The following CPEB3 variants were observed in gnomAD, a reference collection of about 807,000 sequenced individuals.
CPEB3 encodes cytoplasmic polyadenylation element-binding protein 3.
CPEB3 carries 20 observed loss-of-function variants against 67.2 expected under a neutral mutation model. That is an observed-to-expected ratio of 0.30 (90% CI 0.21 to 0.43). The LOEUF (loss-of-function observed/expected upper bound fraction) is 0.43, where lower values mean the gene tolerates loss of function less well. CPEB3 is among the 20% of genes least tolerant of loss of function. The pLI is 1.00. For synonymous variants in CPEB3, 376 were observed against 393.1 expected, an observed-to-expected ratio of 0.96 and a Z score of 0.51; for missense variants, 746 against 968.6, an observed-to-expected ratio of 0.77 and a Z score of 3.05.
intron 6 of CPEB3, among the ~76,000 whole-genome samples, chr10:92,115,841 T>G (rs12766331): frequency 6.6e-6 from 1 of 152,040 alleles, no homozygotes; most frequent in African/African-American, 2.4e-5. Flanking sequence ...AAAAAAAAAT[T>G]TAGTATGCGA....
chr10:92,216,422 C>G, intron 2 of CPEB3: 1 of 1,612,580 alleles, frequency 6.2e-7, no homozygotes, highest in East Asian at 2.2e-5. Flanking sequence ...GCTGGTCAAC[C>G]AGAACCCCAT....
At position 92,177,014 on chromosome 10, in the gene CPEB3, T is replaced by C. The variant is rs368067375; in HGVS notation, c.1222+3949A>G. On this transcript the variant is annotated intron_variant, in intron 4 of 9. Transcript: ENST00000265997. ...TTTTATTTGTGGCCCAGGACAATTA[T>C]TCTTCCAATGTGGCCCAGGGAAGCC... Among the ~76,000 whole-genome samples, 26 of 152,352 alleles carry C rather than the reference T, an allele frequency of 1.7e-4. No homozygotes were observed. The South Asian group carries it at 3.9e-3, about 23-fold the overall frequency.
intron 9 of CPEB3, among the ~76,000 whole-genome samples, chr10:92,062,402 G>T (rs1842390070): frequency 6.6e-6 from 1 of 152,104 alleles, no homozygotes; most frequent in Non-Finnish European, 1.5e-5. Context: ...AGAAGTAGCT[G>T]CATGAAGGAG....
chr10:92,253,680 G>A (rs1466969592), intron 1 of CPEB3, among the ~76,000 whole-genome samples: 1 of 151,964 alleles, frequency 6.6e-6, no homozygotes, highest in East Asian at 1.9e-4. Context: ...GGAGTTTGAG[G>A]CTGCAGTGAG....
chr10:92,156,436 A>G (rs1564824237), intron 4 of CPEB3, among the ~76,000 whole-genome samples: 1 of 152,208 alleles, frequency 6.6e-6, no homozygotes, highest in Non-Finnish European at 1.5e-5. Context: ...AGTTGTAGAA[A>G]TGGAACAGGA....
chr10:92,188,347 A>C (rs1848797643), intron 3 of CPEB3, among the ~76,000 whole-genome samples: 1 of 149,708 alleles, frequency 6.7e-6, no homozygotes, highest in Non-Finnish European at 1.5e-5. Flanking sequence ...AAAAAAAAAA[A>C]AAAAACCCAG....
chr10:92,258,958 C>CTTTA (rs1852667094), intron 1 of CPEB3, among the ~76,000 whole-genome samples: 1 of 149,794 alleles, frequency 6.7e-6, no homozygotes, highest in African/African-American at 2.5e-5. Flanking sequence ...ACGCCTGGCC[C>CTTTA]TTTCTTTCTT....
intron 8 of CPEB3, among the ~76,000 whole-genome samples, chr10:92,082,272 G>C (rs1843184964): frequency 1.4e-5 from 2 of 146,116 alleles, no homozygotes; most frequent in South Asian, 4.2e-4. Flanking sequence ...GCCTTTGTTT[G>C]TTTGTTTGTT....
intron 9 of CPEB3, among the ~76,000 whole-genome samples, chr10:92,072,964 A>T (rs1383278783): frequency 2.0e-5 from 3 of 152,052 alleles, no homozygotes; most frequent in Non-Finnish European, 4.4e-5. Flanking sequence ...CCATAAGGTA[A>T]GCCTTTATTT....
In CPEB3 at chr10:92,239,266, G is replaced by C; in HGVS notation, c.1005+80C>G. The C allele has an allele frequency of 6.9e-7, 1 of 1,450,434 alleles. No homozygotes were observed. Among genetic ancestry groups the C allele is most frequent in the Non-Finnish European group, 9.4e-7 (1 of 1,061,170 alleles). The allele number at this position is 1,450,434 out of a possible 1,614,324, so 89.8% of individuals were successfully genotyped here. A position where few individuals can be genotyped will look rare whatever the true frequency, so the allele number is the denominator to read the frequency against. On this transcript the variant is annotated intron_variant, in intron 2 of 9. Coordinates refer to ENST00000265997, the MANE Select transcript of CPEB3 (RefSeq NM_014912.5). The surrounding 1 kb of genome is among the most constrained non-coding windows in gnomAD (Gnocchi z 6.0). ...ATTGCTGCCCTTTTTAAATATAAGC[G>C]GGTGGATGATTAAAAGTCAGAGAAG... is the stretch of plus-strand genomic sequence containing the variant.
chr10:92,177,578 C>T (rs1848279150), intron 4 of CPEB3, among the ~76,000 whole-genome samples: 1 of 152,190 alleles, frequency 6.6e-6, no homozygotes, highest in Admixed American at 6.5e-5. Context: ...GCCAATTTTT[C>T]CACACCCTAA....
intron 2 of CPEB3, among the ~76,000 whole-genome samples, chr10:92,203,125 T>C (rs1394496307): frequency 6.6e-6 from 1 of 151,260 alleles, no homozygotes; most frequent in East Asian, 1.9e-4. Context: ...GTATTTTTAG[T>C]AGAGACAGGG....
Position 92,239,595 on chromosome 10 carries a change from C to G in CPEB3, c.756G>C (p.Trp252Cys). The change falls in exon 2 of 10, where the codon TGG (tryptophan) becomes TGC (cysteine). Residue 252 changes from tryptophan to cysteine, a missense_variant. Trp to Cys is a radical substitution (Grantham distance 215). Around this residue, in one of 2 missense-constraint regions of CPEB3, gnomAD observed 643 missense variants for 717.5 expected, o/e 0.90. Transcript: ENST00000265997. The surrounding 1 kb of genome is among the most constrained non-coding windows in gnomAD (Gnocchi z 6.0). ...WNTHQSVNAA[W>C]SAPSNPWGGL... ...CGCCCCAGGGGTTGGACGGTGCGCT[C>G]CAGGCTGCATTCACGCTTTGGTGCG... The G allele has an allele frequency of 6.4e-7, 1 of 1,555,050 alleles. No homozygotes were observed. Among genetic ancestry groups the G allele is most frequent in the Non-Finnish European group, 8.7e-7 (1 of 1,149,122 alleles).
intron 2 of CPEB3, among the ~76,000 whole-genome samples, chr10:92,210,937 G>C (rs1203560747): frequency 6.6e-6 from 1 of 152,202 alleles, no homozygotes; most frequent in Non-Finnish European, 1.5e-5. Context: ...TCAGGAGGCT[G>C]AGGCAGGAGA....
Position 92,240,367 on chromosome 10 carries a change from A to C in CPEB3, c.-11-6T>G. 1 of 1,438,512 alleles carries C rather than the reference A, an allele frequency of 7.0e-7. No individual in the cohort carries two copies. 89.1% of individuals were successfully genotyped at this position (1,438,512 alleles called of 1,614,324 possible). A position where few individuals can be genotyped will look rare whatever the true frequency, so the allele number is the denominator to read the frequency against. On this transcript the variant is annotated splice_polypyrimidine_tract_variant and splice_region_variant and intron_variant, in intron 1 of 9. Coordinates refer to ENST00000265997, the MANE Select transcript of CPEB3 (RefSeq NM_014912.5). ...ATCCTGCATGGTTTGCGCAGCTGAAACGGGAAAAAAGAGAGACGCGTTATT... is the reference window on the plus strand; with the variant it reads ...ATCCTGCATGGTTTGCGCAGCTGAACCGGGAAAAAAGAGAGACGCGTTATT...
At chr10:92,097,699 A>G (rs1220740082) in intron 7 of CPEB3, among the ~76,000 whole-genome samples, 2 of 152,206 alleles carry the variant, frequency 1.3e-5, no homozygotes, top group Non-Finnish European at 2.9e-5. Flanking sequence ...TAGTGAAATC[A>G]CTAATATTCC....
At position 92,051,886 on chromosome 10, in the gene CPEB3, C is replaced by G; in HGVS notation, c.*326G>C. ...CAAACAAAAGAATCACAGACAGTAG[C>G]CTGACGGCCGCTGATGAGAATGGCA... On this transcript the variant is annotated 3_prime_UTR_variant, in exon 10 of 10. Coordinates refer to ENST00000265997, the MANE Select transcript of CPEB3 (RefSeq NM_014912.5). 1 of 217,884 alleles carries G rather than the reference C, an allele frequency of 4.6e-6. No homozygotes were observed. The highest frequency in any genetic ancestry group is 9.2e-6 in the Non-Finnish European group (1 of 108,920). The allele number at this position is 217,884 out of a possible 1,614,324, so 13.5% of individuals were successfully genotyped here. A position where few individuals can be genotyped will look rare whatever the true frequency, so the allele number is the denominator to read the frequency against.
At chr10:92,132,627 G>A (rs867245904) in intron 6 of CPEB3, among the ~76,000 whole-genome samples, 2 of 152,082 alleles carry the variant, frequency 1.3e-5, no homozygotes, top group Non-Finnish European at 2.9e-5. Context: ...AGGTTAACAA[G>A]GATATCCAGG....
intron 2 of CPEB3, among the ~76,000 whole-genome samples, chr10:92,233,210 C>A (rs1445477944): frequency 6.6e-6 from 1 of 152,018 alleles, no homozygotes; most frequent in Non-Finnish European, 1.5e-5. Flanking sequence ...ATTTATATTA[C>A]CTCCTGAAAA....
Sources: gnomAD v4.1 joint callset for allele counts (sites outside exome capture counted in the v4.1 genomes callset) on GRCh38, gnomAD v4.1.1 for gene constraint, gnomAD v4.1.1 regional missense constraint, Gnocchi (gnomAD v3.1) non-coding constraint, MANE v1.5 for transcripts, NCBI Gene and HGNC (gene_info 2026-07-23, HGNC 2026-07-21) for gene names.